The following THRAP3 variants were observed in gnomAD, a reference collection of about 807,000 sequenced individuals.
THRAP3 encodes thyroid hormone receptor associated protein 3.
A neutral mutation model predicts 101.0 loss-of-function variants in THRAP3; 16 were observed. That is an observed-to-expected ratio of 0.16 (90% CI 0.11 to 0.24). THRAP3 has a LOEUF of 0.24. Ranked by LOEUF, THRAP3 falls within the 10% of genes least tolerant of loss-of-function variation. The pLI is 1.00. For missense variants in THRAP3, 989 were observed against 1,202.7 expected, an observed-to-expected ratio of 0.82 and a Z score of 2.63; for synonymous variants, 407 against 422.6, an observed-to-expected ratio of 0.96 and a Z score of 0.45.
At chr1:36,301,420 C>A (rs1570355925) in intron 10 of THRAP3, 133 bp from the exon 11 acceptor site, 1 of 1,186,966 alleles carries the variant, frequency 8.4e-7, no homozygotes, top group Non-Finnish European at 1.2e-6. Flanking sequence ...TGGCTGGAAA[C>A]CAGCTGACCA....
intron 1 of THRAP3, chr1:36,225,021 A>G (rs1644945933): frequency 1.3e-5 from 2 of 152,252 alleles, no homozygotes; most frequent in Non-Finnish European, 1.5e-5. Context: ...CGGGAATATT[A>G]GAGTTCTCAC....
chr1:36,301,644 G>A lies in THRAP3; in HGVS notation c.2594G>A (p.Arg865Gln), dbSNP rs566092059. ...NSNNDFQKRN[R>Q]EEEWDPEYTP... ...AACAACGATTTTCAAAAAAGAAACCGGGAAGAGGAGTGGGACCCAGAGTAC... is the reference window on the plus strand; with the variant it reads ...AACAACGATTTTCAAAAAAGAAACCAGGAAGAGGAGTGGGACCCAGAGTAC... Residue 865 changes from arginine (R) to glutamine (Q), a missense_variant, in exon 11 of 12, where the codon CGG becomes CAG. Arg to Gln is a conservative substitution (Grantham distance 43). Coordinates refer to ENST00000354618, the MANE Select transcript of THRAP3 (RefSeq NM_005119.4). 1.4e-5 allele frequency: 23 copies of A among 1,614,116 alleles called. No individual in the cohort carries two copies. The highest frequency in any genetic ancestry group is 2.7e-5 in the African/African-American group (2 of 75,034).
intron 1 of THRAP3, among the ~76,000 whole-genome samples, chr1:36,231,808 A>C (rs1297248425): frequency 1.3e-5 from 2 of 152,208 alleles, no homozygotes; most frequent in African/African-American, 2.4e-5. Flanking sequence ...TATGTCCTAG[A>C]GTCTTGACTA....
the THRAP3 span, among the ~76,000 whole-genome samples, chr1:36,214,002 GAAAGAAAGAAAGAAAGAAAGAAA>G: frequency 7.6e-3 from 245 of 32,294 alleles, 2 homozygotes; most frequent in Middle Eastern, 0.014. Flanking sequence ...AGAAAGGAAA[GAAAGAAAGAAAGAAAGAAAGAAA>G]GAAAGAAAGA....
chr1:36,300,876 C>A lies in THRAP3; in HGVS notation c.2304-10C>A. The A allele has an allele frequency of 6.2e-7, 1 of 1,612,548 alleles. No homozygotes were observed. The highest frequency in any genetic ancestry group is 1.1e-5 in the South Asian group (1 of 90,994). The stretch of plus-strand genomic sequence containing the variant: ...GATGATTGATCACCCTGGCTCTTCT[C>A]TTTTCACAGGAAGCATCGGAGAGCA... On this transcript the variant is annotated splice_polypyrimidine_tract_variant and intron_variant, in intron 9 of 11. Transcript: ENST00000354618.
intron 2 of THRAP3, among the ~76,000 whole-genome samples, chr1:36,263,914 T>C (rs1428789784): frequency 6.6e-6 from 1 of 152,262 alleles, no homozygotes; most frequent in African/African-American, 2.4e-5. Flanking sequence ...ACCTTTTGAC[T>C]TAGGTCTTTC....
intron 2 of THRAP3, among the ~76,000 whole-genome samples, chr1:36,264,074 T>G (rs1052500957): frequency 6.6e-6 from 1 of 152,262 alleles, no homozygotes; most frequent in African/African-American, 2.4e-5. Flanking sequence ...TTGTTTGTTT[T>G]TTTGAGACGG....
chr1:36,284,295 T>G (rs1645769127), intron 3 of THRAP3, among the ~76,000 whole-genome samples: 1 of 152,226 alleles, frequency 6.6e-6, no homozygotes, highest in Non-Finnish European at 1.5e-5. Context: ...AGGAAGGCAG[T>G]ATGTGCTGGG....
chr1:36,257,677 A>C (rs1570277499), intron 1 of THRAP3, among the ~76,000 whole-genome samples: 1 of 152,218 alleles, frequency 6.6e-6, no homozygotes, highest in Non-Finnish European at 1.5e-5. Context: ...CATCGCAACA[A>C]TGGGGAATTG....
intron 1 of THRAP3, chr1:36,224,880 C>G (rs923679424): frequency 1.3e-5 from 2 of 152,422 alleles, no homozygotes; most frequent in African/African-American, 2.4e-5. Flanking sequence ...CCCTTCCCCC[C>G]ACCCAGTCCC....
At position 36,301,716 on chromosome 1, in the gene THRAP3, C is replaced by CA; in HGVS notation, c.2646+21dup. ...TACTTGGTATGTGTCTGGGGATAAC[C>CA]AGGAAGGGTTAGAGGGCCTTTGACA... On this transcript the variant is annotated intron_variant, in intron 11 of 11. Coordinates refer to ENST00000354618, the MANE Select transcript of THRAP3 (RefSeq NM_005119.4). 6.2e-7 allele frequency: 1 copy of CA among 1,606,208 alleles called. No homozygotes were observed. The highest frequency in any genetic ancestry group is 8.5e-7 in the Non-Finnish European group (1 of 1,176,124).
chr1:36,217,873 CACA>C, the THRAP3 span, among the ~76,000 whole-genome samples: 1 of 152,138 alleles, frequency 6.6e-6, no homozygotes, highest in Admixed American at 6.6e-5. Flanking sequence ...TTCCCTGAGA[CACA>C]ACAACATTGA....
At position 36,303,864 on chromosome 1, in the gene THRAP3, T is replaced by G; in HGVS notation, c.2715T>G (p.Pro905=). ...VSRGRGRGAF[P]RGRGRFMFRK... The stretch of plus-strand genomic sequence containing the variant: ...GGGGCCGGGGCCGAGGAGCCTTTCC[T>G]CGGGGTCGGGGCCGGTTCATGTTCC... The change falls in exon 12 of 12, where the codon CCT becomes CCG. Residue 905 remains proline (P), a synonymous_variant. Transcript: ENST00000354618. 6.2e-7 allele frequency: 1 copy of G among 1,613,988 alleles called. No homozygotes were observed. The highest frequency in any genetic ancestry group is 8.5e-7 in the Non-Finnish European group (1 of 1,179,966).
At chr1:36,223,219 G>A (rs1644916862), upstream of THRAP3, among the ~76,000 whole-genome samples, 1 of 152,192 alleles carries the variant, frequency 6.6e-6, no homozygotes, top group African/African-American at 2.4e-5. Flanking sequence ...AGTGCTCAAA[G>A]AAGGAAGAAA....
Position 36,293,848 on chromosome 1 carries a change from T to C in THRAP3, c.2031-3T>C, listed in dbSNP as rs1373324932. ...CTATATCGTTTTGTATTTTCAATTT[T>C]AGGAGAATAGACATTTCCCCCAGTA... On this transcript the variant is annotated splice_region_variant and splice_polypyrimidine_tract_variant and intron_variant, in intron 7 of 11. Transcript: ENST00000354618. 1 of 1,611,882 alleles carries C rather than the reference T, an allele frequency of 6.2e-7. No individual in the cohort carries two copies. Among genetic ancestry groups the C allele is most frequent in the Admixed American group, 1.7e-5 (1 of 59,932 alleles).
chr1:36,208,527 G>T, the THRAP3 span, among the ~76,000 whole-genome samples: 1 of 152,128 alleles, frequency 6.6e-6, no homozygotes, highest in African/African-American at 2.4e-5. Flanking sequence ...TGTAAAGAAG[G>T]TGGGGGAAGG....
chr1:36,219,422 T>C, the THRAP3 span, among the ~76,000 whole-genome samples: 269 of 152,194 alleles, frequency 1.8e-3, 2 homozygotes, highest in Admixed American at 2.5e-3. Context: ...ACAAATTTTC[T>C]CTTTTTTATT....
upstream of THRAP3, among the ~76,000 whole-genome samples, chr1:36,220,089 G>C (rs1018307729): frequency 6.6e-6 from 1 of 152,040 alleles, no homozygotes. Flanking sequence ...TCACCTCTGG[G>C]TTTAAGTGAT....
chr1:36,292,252 G>GTTT (rs1557453511), intron 6 of THRAP3, among the ~76,000 whole-genome samples: 3 of 57,500 alleles, frequency 5.2e-5, no homozygotes, highest in Non-Finnish European at 6.6e-5. Context: ...AACATAATGT[G>GTTT]TTTCTTTGTT....
Sources: allele counts gnomAD v4.1 joint callset (sites outside exome capture counted in the v4.1 genomes callset), GRCh38; gene constraint gnomAD v4.1.1; transcripts MANE v1.5; gene names NCBI Gene and HGNC (gene_info 2026-07-23, HGNC 2026-07-21).